The following DAB2IP variants were observed in gnomAD, a reference collection of about 807,000 sequenced individuals.
DAB2IP encodes the protein DAB2 interacting protein, also known as disabled homolog 2-interacting protein.
A neutral mutation model predicts 107.2 loss-of-function variants in DAB2IP; 28 were observed. The ratio of observed to expected loss-of-function variants is 0.26; its 90% CI spans 0.19 to 0.36. The LOEUF (loss-of-function observed/expected upper bound fraction) is 0.36. Among genes scored for constraint, DAB2IP ranks in the 10% least tolerant of loss-of-function variants. The pLI, the probability that DAB2IP is intolerant of heterozygous loss-of-function variation, is 1.00. For synonymous variants in DAB2IP, 755 were observed against 706.4 expected (o/e 1.07, Z -1.09); for missense variants, 1,400 against 1,644.7 (o/e 0.85, Z 2.57).
Position 121,782,589 on chromosome 9 carries a change from A to T in DAB2IP, c.*91A>T, listed in dbSNP as rs1835741490. Reference sequence around the variant, plus strand: ...GGCCTGGGGAGGCACCCACGGTTGCAGCCCCAGCGCGGGTGTCAGGAGGCC... The same window carrying T: ...GGCCTGGGGAGGCACCCACGGTTGCTGCCCCAGCGCGGGTGTCAGGAGGCC... On this transcript the variant is annotated 3_prime_UTR_variant, in exon 16 of 16. Coordinates refer to ENST00000408936, the Ensembl canonical transcript of DAB2IP. The surrounding 1 kb of genome is among the most constrained non-coding windows in gnomAD (Gnocchi z 6.1). The T allele has an allele frequency of 1.3e-6, 2 of 1,551,794 alleles. No individual in the cohort carries two copies. The highest frequency in any genetic ancestry group is 1.7e-6 in the Non-Finnish European group (2 of 1,146,148).
At chr9:121,764,236 G>C (rs550390967) in intron 8 of DAB2IP, among the ~76,000 whole-genome samples, 20 of 152,346 alleles carry the variant, frequency 1.3e-4, no homozygotes, top group Non-Finnish European at 2.6e-4. Flanking sequence ...TCACCTGTCC[G>C]TGGGAGCTAA....
At chr9:121,574,546 C>A (rs1830015034) in intron 1 of DAB2IP, among the ~76,000 whole-genome samples, 1 of 152,128 alleles carries the variant, frequency 6.6e-6, no homozygotes, top group Non-Finnish European at 1.5e-5. Context: ...TTACTGTGTG[C>A]CTGGCTCACT....
At position 121,699,543 on chromosome 9, in the gene DAB2IP, C is replaced by T. The variant is rs1446603778; in HGVS notation, c.362+85C>T. 1.8e-6 allele frequency: 2 copies of T among 1,128,642 alleles called. No homozygotes were observed. The highest frequency in any genetic ancestry group is 2.2e-6 in the Non-Finnish European group (2 of 916,444). The allele number at this position is 1,128,642 out of a possible 1,614,324, so 69.9% of individuals were successfully genotyped here. A position where few individuals can be genotyped will look rare whatever the true frequency, so the allele number is the denominator to read the frequency against. ...ACGCGGGGACAAAGCGCGAGCCCGG[C>T]CCGGGGCGAGCCACACGGCGGTGGG... is the stretch of plus-strand genomic sequence containing the variant. On this transcript the variant is annotated intron_variant, in intron 3 of 15. Transcript: ENST00000408936. The surrounding 1 kb of genome is among the most constrained non-coding windows in gnomAD (Gnocchi z 6.2).
intron 10 of DAB2IP, among the ~76,000 whole-genome samples, 198 bp from the exon 11 acceptor site, chr9:121,770,348 G>A (rs937973730): frequency 2.6e-5 from 4 of 152,164 alleles, no homozygotes; most frequent in African/African-American, 7.2e-5. Context: ...AGAAATGTCC[G>A]GGAGCTGGTT....
At chr9:121,737,630 CGGAAG>C in intron 3 of DAB2IP, 7 of 985,432 alleles carry the variant, frequency 7.1e-6, no homozygotes, top group Non-Finnish European at 8.4e-6. Context: ...TGGCCATCTT[CGGAAG>C]CCAGATCTGG....
Position 121,666,917 on chromosome 9 carries a change from A to ACACAC in DAB2IP, c.125-11758_125-11757insACCAC, listed in dbSNP as rs1564143999. Among the ~76,000 whole-genome samples the ACACAC allele has an allele frequency of 8.0e-3, 841 of 104,732 alleles. 11 individuals are homozygous for ACACAC. Among genetic ancestry groups the ACACAC allele is most frequent in the African/African-American group, 0.018 (532 of 29,980 alleles). 68.7% of individuals were successfully genotyped at this position (104,732 alleles called of 152,430 possible). On this transcript the variant is annotated intron_variant, in intron 1 of 15. Transcript: ENST00000408936. ...ACACACACACACACACACACACACA[A>ACACAC]CACTCTTAAATAGACGTACACAGAG... is the stretch of plus-strand genomic sequence containing the variant.
At chr9:121,687,393 G>A (rs1283849694) in intron 2 of DAB2IP, among the ~76,000 whole-genome samples, 1 of 152,198 alleles carries the variant, frequency 6.6e-6, no homozygotes, top group South Asian at 2.1e-4. Context: ...GGACCAGCAT[G>A]TGATCTGTCA....
intron 13 of DAB2IP, 74 bp downstream of exon 13, chr9:121,774,486 C>G: frequency 1.4e-6 from 2 of 1,465,388 alleles, no homozygotes; most frequent in Non-Finnish European, 1.8e-6. Flanking sequence ...GTCTCTCCCC[C>G]AGGTCCCCCA....
intron 2 of DAB2IP, among the ~76,000 whole-genome samples, chr9:121,697,607 C>T (rs910594617): frequency 6.6e-6 from 1 of 152,202 alleles, no homozygotes; most frequent in Non-Finnish European, 1.5e-5. Flanking sequence ...GGAGAAGGGT[C>T]CCTCCTGCAG....
In DAB2IP at chr9:121,772,305, C is replaced by T. The variant is rs140554685; in HGVS notation, c.2079-302C>T. Among the ~76,000 whole-genome samples, 439 of 152,300 alleles carry T rather than the reference C, an allele frequency of 2.9e-3. 1 individual carries two copies. Among genetic ancestry groups the T allele is most frequent in the Non-Finnish European group, 5.0e-3 (338 of 68,026 alleles). On this transcript the variant is annotated intron_variant, in intron 11 of 15. Transcript: ENST00000408936. This position sits in a 1 kb window ranked among gnomAD's most constrained non-coding sequence, Gnocchi z 4.7. ...CTAAGGAGGAGTTTTCCAGAGCAAG[C>T]CAGGCCCCAGTACCCATTGTCCCAA...
In DAB2IP at chr9:121,641,995, TTCTCTCTCTCTCTC is replaced by T. The variant is rs71370683; in HGVS notation, c.41-36659_41-36646del. On this transcript the variant is annotated intron_variant, in intron 1 of 16. Coordinates refer to the DAB2IP transcript ENST00000259371. ...CTCTTTCTTTCTTTCTTTCTTTCCTTTCTCTCTCTCTCTCTCTCTCTCTCTCTCTCTCTCTCTTT... is the reference window on the plus strand; with the variant it reads ...CTCTTTCTTTCTTTCTTTCTTTCCTTTCTCTCTCTCTCTCTCTCTCTCTTT... Among the ~76,000 whole-genome samples, 70 of 35,000 alleles carry T rather than the reference TTCTCTCTCTCTCTC, an allele frequency of 2.0e-3. 4 individuals carry two copies. The highest frequency in any genetic ancestry group is 9.4e-3 in the African/African-American group (64 of 6,792). 23.0% of individuals were successfully genotyped at this position (35,000 alleles called of 152,430 possible). A position where few individuals can be genotyped will look rare whatever the true frequency, so the allele number is the denominator to read the frequency against.
intron 1 of DAB2IP, among the ~76,000 whole-genome samples, chr9:121,675,918 C>A (rs1833882999): frequency 6.6e-6 from 1 of 152,212 alleles, no homozygotes; most frequent in Non-Finnish European, 1.5e-5. Context: ...CTAGCAAAAC[C>A]TCCAGAAAGA....
At chr9:121,756,926 G>T in intron 3 of DAB2IP, 87 bp from the exon 4 acceptor site, 3 of 1,579,610 alleles carry the variant, frequency 1.9e-6, no homozygotes, top group Non-Finnish European at 1.7e-6. Context: ...TGCTGGAAGG[G>T]GCACGGCCAG....
Position 121,747,343 on chromosome 9 carries a change from CT to C in DAB2IP, c.363-9653del, listed in dbSNP as rs10626616. 8.6e-3 allele frequency among the ~76,000 whole-genome samples: 1,128 copies of C among 130,992 alleles called. 5 individuals are homozygous for C. Among genetic ancestry groups the C allele is most frequent in the African/African-American group, 0.014 (455 of 31,902 alleles). The allele number at this position is 130,992 out of a possible 152,430, so 85.9% of individuals were successfully genotyped here. A position where few individuals can be genotyped will look rare whatever the true frequency, so the allele number is the denominator to read the frequency against. On this transcript the variant is annotated intron_variant, in intron 3 of 15. Coordinates refer to ENST00000408936, the Ensembl canonical transcript of DAB2IP. The stretch of plus-strand genomic sequence containing the variant: ...CTCGTCAATGAGTGTTCCTTAGATG[CT>C]TTTTTTTTTTTTTTTTCCCCTGAGA...
chr9:121,651,597 AGC>A lies in DAB2IP; in HGVS notation c.-177_-176del. ...CCGCCGCGGGGCCGGCTGCTCGGGG[AGC>A]GGGAGGGGGCAGGAGGCGGAGGAGG... On this transcript the variant is annotated 5_prime_UTR_variant, in exon 1 of 16. Transcript: ENST00000408936. The surrounding 1 kb of genome is among the most constrained non-coding windows in gnomAD (Gnocchi z 5.1). The A allele has an allele frequency of 3.1e-6, 3 of 966,576 alleles. No individual in the cohort carries two copies. The highest frequency in any genetic ancestry group is 4.8e-4 in the Middle Eastern group (1 of 2,064). 59.9% of individuals were successfully genotyped at this position (966,576 alleles called of 1,614,324 possible). A position where few individuals can be genotyped will look rare whatever the true frequency, so the allele number is the denominator to read the frequency against.
chr9:121,745,213 C>G (rs1832641972), intron 3 of DAB2IP, among the ~76,000 whole-genome samples: 1 of 152,158 alleles, frequency 6.6e-6, no homozygotes, highest in South Asian at 2.1e-4. Context: ...GCAGAGACAG[C>G]CCTACGTGCC....
chr9:121,712,851 T>C (rs1387472054), intron 3 of DAB2IP, among the ~76,000 whole-genome samples: 2 of 152,228 alleles, frequency 1.3e-5, no homozygotes, highest in Non-Finnish European at 2.9e-5. Flanking sequence ...GTTTCTTTAA[T>C]GCATGGCTCC....
At chr9:121,707,752 T>G (rs975299878) in intron 3 of DAB2IP, among the ~76,000 whole-genome samples, 11 of 152,180 alleles carry the variant, frequency 7.2e-5, no homozygotes, top group Non-Finnish European at 1.5e-4. Context: ...ACATTCATAA[T>G]CAGAACGTTG....
chr9:121,710,119 T>A (rs1830267280), intron 3 of DAB2IP, among the ~76,000 whole-genome samples: 1 of 152,148 alleles, frequency 6.6e-6, no homozygotes, highest in Non-Finnish European at 1.5e-5. Flanking sequence ...TCAGTGTTTT[T>A]AACCACCCCA....
Sources: gnomAD v4.1 joint callset for allele counts (sites outside exome capture counted in the v4.1 genomes callset) on GRCh38, gnomAD v4.1.1 for gene constraint, Gnocchi (gnomAD v3.1) non-coding constraint, MANE v1.5 for transcripts, NCBI Gene and HGNC (gene_info 2026-07-23, HGNC 2026-07-21) for gene names.